The following NAALADL2 variants were observed in gnomAD, a reference collection of about 807,000 sequenced individuals.
NAALADL2 encodes N-acetylated alpha-linked acidic dipeptidase like 2.
A neutral mutation model predicts 87.2 loss-of-function variants in NAALADL2; 76 were observed. The observed-to-expected ratio is 0.87, with a 90% CI of 0.72 to 1.05. NAALADL2 has a LOEUF of 1.05. Ranked by LOEUF, NAALADL2 falls within the 50% of genes least tolerant of loss-of-function variation. The pLI, the probability that NAALADL2 is intolerant of heterozygous loss-of-function variation, is 0.00. For missense variants in NAALADL2, 1,089 were observed against 945.8 expected, an observed-to-expected ratio of 1.15 and a Z score of -1.99; for synonymous variants, 354 against 331.0, an observed-to-expected ratio of 1.07 and a Z score of -0.75.
At chr3:175,679,134 G>T (rs1005751116) in intron 11 of NAALADL2, among the ~76,000 whole-genome samples, 1 of 152,102 alleles carries the variant, frequency 6.6e-6, no homozygotes, top group East Asian at 1.9e-4. Flanking sequence ...ATCAGTTAAG[G>T]CAGGAATAGG....
At chr3:175,580,361 T>A (rs1412202823) in intron 10 of NAALADL2, among the ~76,000 whole-genome samples, 1 of 152,166 alleles carries the variant, frequency 6.6e-6, no homozygotes, top group Non-Finnish European at 1.5e-5. Context: ...ATACAGATGT[T>A]GGAACAGTGT....
chr3:174,566,705 T>A (rs1714316121), intron 2 of NAALADL2, among the ~76,000 whole-genome samples: 1 of 151,808 alleles, frequency 6.6e-6, no homozygotes, highest in South Asian at 2.1e-4. Context: ...TCACTCTGTT[T>A]CTCTTCACTG....
intron 11 of NAALADL2, among the ~76,000 whole-genome samples, chr3:175,723,690 G>A (rs1171709094): frequency 2.6e-5 from 4 of 151,882 alleles, no homozygotes; most frequent in African/African-American, 9.7e-5. Flanking sequence ...TCCTTTACAT[G>A]GAGCTTGTTG....
At chr3:174,711,774 A>G (rs1196360817) in intron 2 of NAALADL2, among the ~76,000 whole-genome samples, 2 of 152,168 alleles carry the variant, frequency 1.3e-5, no homozygotes, top group African/African-American at 4.8e-5. Context: ...TTATAGTGCA[A>G]GGAACATTTC....
intron 1 of NAALADL2, among the ~76,000 whole-genome samples, chr3:175,016,318 A>T (rs1211215436): frequency 6.7e-6 from 1 of 150,032 alleles, no homozygotes; most frequent in Non-Finnish European, 1.5e-5. Flanking sequence ...TAGTATATCC[A>T]TATATGAGAA....
intron 2 of NAALADL2, among the ~76,000 whole-genome samples, chr3:174,693,346 A>G (rs1041470885): frequency 6.6e-6 from 1 of 152,322 alleles, no homozygotes; most frequent in African/African-American, 2.4e-5. Context: ...AGGGTGTTGC[A>G]TCTTTCCTAA....
At chr3:175,307,233 G>A (rs1013515324) in intron 4 of NAALADL2, among the ~76,000 whole-genome samples, 1 of 151,946 alleles carries the variant, frequency 6.6e-6, no homozygotes, top group South Asian at 2.1e-4. Context: ...AAATCCCCTG[G>A]AGTAGTTGTG....
intron 11 of NAALADL2, among the ~76,000 whole-genome samples, chr3:175,667,258 A>AAGG (rs1560943924): frequency 1.2e-4 from 16 of 138,784 alleles, no homozygotes; most frequent in African/African-American, 4.5e-4. Flanking sequence ...AGAAAGAAAG[A>AAGG]AAGAAAGGAA....
chr3:174,669,426 T>C (rs949626661), intron 2 of NAALADL2, among the ~76,000 whole-genome samples: 10 of 152,150 alleles, frequency 6.6e-5, no homozygotes, highest in African/African-American at 2.4e-4. Context: ...TTATATGATA[T>C]CATGTAAGGG....
chr3:174,681,785 C>A (rs985552958), intron 2 of NAALADL2, among the ~76,000 whole-genome samples: 1 of 152,158 alleles, frequency 6.6e-6, no homozygotes, highest in Admixed American at 6.5e-5. Flanking sequence ...ACATTGCCTT[C>A]CAGCTTAGAT....
intron 10 of NAALADL2, among the ~76,000 whole-genome samples, chr3:175,577,798 T>C (rs917856902): frequency 6.6e-6 from 1 of 152,196 alleles, no homozygotes; most frequent in Admixed American, 6.5e-5. Context: ...ATGCTTGAGA[T>C]GAAATAATTT....
chr3:175,740,379 T>C (rs1745066521), intron 12 of NAALADL2, among the ~76,000 whole-genome samples: 1 of 152,130 alleles, frequency 6.6e-6, no homozygotes, highest in South Asian at 2.1e-4. Context: ...TGGGGATGTG[T>C]GGCAGTGTCA....
At chr3:174,779,826 G>A (rs1243139935) in intron 3 of NAALADL2, among the ~76,000 whole-genome samples, 11 of 152,042 alleles carry the variant, frequency 7.2e-5, no homozygotes, top group Non-Finnish European at 5.9e-5. Context: ...TGTTACATTG[G>A]TCTACATATG....
chr3:175,191,346 G>T (rs1304422522), intron 2 of NAALADL2, among the ~76,000 whole-genome samples: 1 of 152,172 alleles, frequency 6.6e-6, no homozygotes, highest in Admixed American at 6.5e-5. Context: ...ATCAGGAATT[G>T]GTAGAAGTGT....
At chr3:175,419,939 G>C (rs1386182399) in intron 5 of NAALADL2, among the ~76,000 whole-genome samples, 1 of 151,848 alleles carries the variant, frequency 6.6e-6, no homozygotes, top group Non-Finnish European at 1.5e-5. Flanking sequence ...TAGACACAAG[G>C]ACTACAAAGG....
chr3:175,721,586 ATAAT>A (rs1742242862), intron 11 of NAALADL2, among the ~76,000 whole-genome samples: 1 of 152,080 alleles, frequency 6.6e-6, no homozygotes, highest in Non-Finnish European at 1.5e-5. Context: ...TTTAAAATGA[ATAAT>A]TAGGAAGATA....
chr3:175,395,010 T>C (rs910330273), intron 5 of NAALADL2, among the ~76,000 whole-genome samples: 3 of 152,140 alleles, frequency 2.0e-5, no homozygotes, highest in Admixed American at 2.0e-4. Context: ...CATGTCACAA[T>C]TGCCAACATC....
At chr3:175,222,618 G>A (rs563278060) in intron 2 of NAALADL2, among the ~76,000 whole-genome samples, 1 of 152,204 alleles carries the variant, frequency 6.6e-6, no homozygotes, top group Non-Finnish European at 1.5e-5. Context: ...AACATGAAAT[G>A]GAGCAGTGGT....
intron 2 of NAALADL2, among the ~76,000 whole-genome samples, chr3:175,162,308 C>G (rs1733347801): frequency 6.6e-6 from 1 of 152,122 alleles, no homozygotes; most frequent in African/African-American, 2.4e-5. Flanking sequence ...CTTCCCCCTT[C>G]CTCCAGCATA....
Sources: gnomAD v4.1 joint callset for allele counts (sites outside exome capture counted in the v4.1 genomes callset) on GRCh38, gnomAD v4.1.1 for gene constraint, MANE v1.5 for transcripts, NCBI Gene and HGNC (gene_info 2026-07-23, HGNC 2026-07-21) for gene names.